SIRPA: variants seen among roughly 807,000 people sequenced by gnomAD.
SIRPA encodes the protein tyrosine-protein phosphatase non-receptor type substrate 1.
SIRPA carries 9 observed loss-of-function variants against 50.3 expected under a neutral mutation model. The ratio of observed to expected loss-of-function variants is 0.18; its 90% CI spans 0.11 to 0.31. The LOEUF (loss-of-function observed/expected upper bound fraction) is 0.31. SIRPA is among the 10% of genes least tolerant of loss of function. The probability of loss-of-function intolerance (pLI) is 1.00; values close to 1 mark genes in which losing one functional copy is unlikely to be tolerated. For synonymous variants in SIRPA, 265 were observed against 284.1 expected (o/e 0.93, Z 0.68); for missense variants, 474 against 661.6 (o/e 0.72, Z 3.11).
chr20:1,935,865 C>T (rs148587656), intron 7 of SIRPA, among the ~76,000 whole-genome samples: 306 of 152,260 alleles, frequency 2.0e-3, no homozygotes, highest in African/African-American at 6.6e-3. Context: ...GCTGTCAACA[C>T]GGATTTCCCA....
At chr20:1,895,602 C>T in intron 1 of SIRPA, 76 bp downstream of exon 1, 1 of 1,160,088 alleles carries the variant, frequency 8.6e-7, no homozygotes, top group Non-Finnish European at 1.1e-6. Context: ...CACTGGGACC[C>T]CTTCGGCTAA....
rs537096811 is a variant in SIRPA, at chr20:1,932,895, A to G, written c.1227-1820A>G. Among the ~76,000 whole-genome samples, 11 of 152,364 alleles carry G rather than the reference A, an allele frequency of 7.2e-5. 1 individual carries two copies. The highest frequency in any genetic ancestry group is 2.4e-4 in the African/African-American group (10 of 41,582). On this transcript the variant is annotated intron_variant, in intron 6 of 7. Coordinates refer to ENST00000358771, the MANE Select transcript of SIRPA (RefSeq NM_001040023.2). The surrounding 1 kb of genome is among the most constrained non-coding windows in gnomAD (Gnocchi z 6.0). ...ACCGATGGTAGAGCTATTCACTGAA[A>G]TAGGAAAATCCAGGGGAGACACAGA...
At position 1,921,942 on chromosome 20, in the gene SIRPA, T is replaced by C. The variant is rs200499784; in HGVS notation, c.754+230T>C. Among the ~76,000 whole-genome samples the C allele has an allele frequency of 1.6e-4, 24 of 152,276 alleles. No homozygotes were observed. In the East Asian group the frequency reaches 4.4e-3, roughly 28 times the overall value. On this transcript the variant is annotated intron_variant, in intron 3 of 7. Transcript: ENST00000358771. The stretch of plus-strand genomic sequence containing the variant: ...AGGTGCCAAGGACTGTGCTAGCCGT[T>C]TCATTTATTTCACTGATAGCAAACA...
At chr20:1,925,108 GTCC>G (rs1278689478) in intron 5 of SIRPA, among the ~76,000 whole-genome samples, 1 of 152,150 alleles carries the variant, frequency 6.6e-6, no homozygotes, top group African/African-American at 2.4e-5. Flanking sequence ...CAGGCCCCGT[GTCC>G]TCAAGGGGCC....
At chr20:1,903,799 A>G (rs1984381992) in intron 1 of SIRPA, among the ~76,000 whole-genome samples, 1 of 152,020 alleles carries the variant, frequency 6.6e-6, no homozygotes, top group Non-Finnish European at 1.5e-5. Flanking sequence ...ATTCCAAAAG[A>G]GGTTATCGCT....
intron 6 of SIRPA, among the ~76,000 whole-genome samples, chr20:1,929,662 C>T (rs951313218): frequency 6.6e-6 from 1 of 152,094 alleles, no homozygotes; most frequent in Non-Finnish European, 1.5e-5. Context: ...TGAGCCCTGC[C>T]CAGCCTCCTG....
chr20:1,903,029 A>T (rs866810581), intron 1 of SIRPA, among the ~76,000 whole-genome samples: 2 of 82,042 alleles, frequency 2.4e-5, no homozygotes, highest in African/African-American at 1.2e-4. Context: ...AAAAAAAAAA[A>T]AAAGAAAAGA....
chr20:1,930,101 C>T (rs1488818140), intron 6 of SIRPA, among the ~76,000 whole-genome samples: 1 of 152,172 alleles, frequency 6.6e-6, no homozygotes, highest in Non-Finnish European at 1.5e-5. Context: ...CCAGGGGTGG[C>T]AGGCACAGTG....
chr20:1,905,533 C>T (rs1984493895), intron 1 of SIRPA, among the ~76,000 whole-genome samples: 2 of 152,212 alleles, frequency 1.3e-5, no homozygotes. Flanking sequence ...TGTGCAGCAC[C>T]AGGGCCTGTC....
chr20:1,895,283 CGCGGCGGCG>C (rs926889796), upstream of SIRPA: 94 of 440,996 alleles, frequency 2.1e-4, no homozygotes, highest in Non-Finnish European at 3.1e-4. Context: ...CTCCAAAAAC[CGCGGCGGCG>C]GCGGCGGCCG....
At chr20:1,914,322 G>A (rs564023366) in intron 1 of SIRPA, among the ~76,000 whole-genome samples, 3 of 152,322 alleles carry the variant, frequency 2.0e-5, no homozygotes, top group African/African-American at 7.2e-5. Flanking sequence ...AACCAGGTCC[G>A]ATGACTCTAA....
At chr20:1,905,081 T>G (rs1984465201) in intron 1 of SIRPA, among the ~76,000 whole-genome samples, 1 of 152,204 alleles carries the variant, frequency 6.6e-6, no homozygotes, top group Non-Finnish European at 1.5e-5. Context: ...TGGAAAGTGC[T>G]TTTGCAAGCT....
At chr20:1,909,869 C>G (rs1984785638) in intron 1 of SIRPA, among the ~76,000 whole-genome samples, 1 of 152,200 alleles carries the variant, frequency 6.6e-6, no homozygotes, top group Non-Finnish European at 1.5e-5. Context: ...CACACATGAA[C>G]ATTGTTTTTT....
At chr20:1,906,338 C>T (rs1405309317) in intron 1 of SIRPA, among the ~76,000 whole-genome samples, 1 of 152,146 alleles carries the variant, frequency 6.6e-6, no homozygotes, top group African/African-American at 2.4e-5. Context: ...GAGTCTATGA[C>T]AGGGAGATGA....
chr20:1,901,212 C>T (rs1332434142), intron 1 of SIRPA, among the ~76,000 whole-genome samples: 3 of 140,138 alleles, frequency 2.1e-5, no homozygotes, highest in Non-Finnish European at 4.5e-5. Context: ...GCTCTGTCGC[C>T]CAGGCTGGAG....
chr20:1,904,209 A>G (rs1292870832), intron 1 of SIRPA, among the ~76,000 whole-genome samples: 1 of 152,216 alleles, frequency 6.6e-6, no homozygotes, highest in African/African-American at 2.4e-5. Flanking sequence ...GCACAAAGAT[A>G]TCAATGCCAG....
intron 2 of SIRPA, among the ~76,000 whole-genome samples, chr20:1,919,975 C>T (rs996489404): frequency 1.4e-5 from 2 of 138,746 alleles, no homozygotes; most frequent in Non-Finnish European, 3.2e-5. Context: ...ACCAGACCTC[C>T]TGATAACAGT....
intron 1 of SIRPA, among the ~76,000 whole-genome samples, chr20:1,910,491 A>G (rs1388087501): frequency 5.3e-5 from 8 of 152,174 alleles, no homozygotes; most frequent in Non-Finnish European, 2.9e-5. Flanking sequence ...GCCATGTTTA[A>G]CTTATCATCC....
intron 1 of SIRPA, among the ~76,000 whole-genome samples, chr20:1,899,415 C>G (rs969906432): frequency 2.0e-5 from 3 of 152,130 alleles, no homozygotes; most frequent in African/African-American, 7.2e-5. Context: ...TGTAGAATCC[C>G]GAGCTGGGTC....
Sources: allele counts gnomAD v4.1 joint callset (sites outside exome capture counted in the v4.1 genomes callset), GRCh38; gene constraint gnomAD v4.1.1; non-coding constraint Gnocchi (gnomAD v3.1); transcripts MANE v1.5; gene names NCBI Gene and HGNC (gene_info 2026-07-23, HGNC 2026-07-21).